GRIK4: variants seen among roughly 807,000 people sequenced by gnomAD.
GRIK4 encodes the protein glutamate ionotropic receptor kainate type subunit 4.
GRIK4 carries 40 observed loss-of-function variants against 104.9 expected under a neutral mutation model. The ratio of observed to expected loss-of-function variants is 0.38; its 90% confidence interval spans 0.30 to 0.50. GRIK4 has a LOEUF of 0.50. GRIK4 is among the 20% of genes least tolerant of loss of function. The pLI, the probability that GRIK4 is intolerant of heterozygous loss-of-function variation, is 0.93. For missense variants in GRIK4, 1,047 were observed against 1,308.1 expected (o/e 0.80, Z 3.08); for synonymous variants, 485 against 524.9 (o/e 0.92, Z 1.04).
chr11:120,776,148 T>C (rs1952037511), intron 3 of GRIK4, among the ~76,000 whole-genome samples: 1 of 152,358 alleles, frequency 6.6e-6, no homozygotes, highest in South Asian at 2.1e-4. Context: ...ATCTGCTCTC[T>C]GTTATTGTTG....
At chr11:120,980,639 C>T (rs997071012) in intron 19 of GRIK4, among the ~76,000 whole-genome samples, 1 of 152,172 alleles carries the variant, frequency 6.6e-6, no homozygotes, top group Non-Finnish European at 1.5e-5. Context: ...CACCTTCCCC[C>T]TGGAAGGTAG....
At chr11:120,687,971 G>A (rs1950300607) in intron 3 of GRIK4, among the ~76,000 whole-genome samples, 1 of 152,170 alleles carries the variant, frequency 6.6e-6, no homozygotes, top group African/African-American at 2.4e-5. Context: ...GACTTAAGGA[G>A]AAAATTGGGA....
Position 120,660,394 on chromosome 11 carries a change from A to C in GRIK4, c.76A>C (p.Arg26=). 4.3e-6 allele frequency: 7 copies of C among 1,611,790 alleles called. No homozygotes were observed. The highest frequency in any genetic ancestry group is 5.9e-6 in the Non-Finnish European group (7 of 1,179,302). ...VMVACSPHSL[R]IAAILDDPME... ...GGTCGCCTGCAGCCCGCACTCCTTG[A>C]GGATCGGTAAGTGTGGCCCAGCTTG... The change falls in exon 3 of 21, where the codon AGG becomes CGG. Residue 26 remains arginine (R), a synonymous_variant. Transcript: ENST00000527524.
At chr11:120,596,194 G>T (rs1948799741) in intron 1 of GRIK4, among the ~76,000 whole-genome samples, 1 of 152,200 alleles carries the variant, frequency 6.6e-6, no homozygotes, top group Non-Finnish European at 1.5e-5. Flanking sequence ...GCCTGTAGTA[G>T]GTGCTCAAAA....
chr11:120,673,461 C>T (rs1950053011), intron 3 of GRIK4, among the ~76,000 whole-genome samples: 1 of 152,210 alleles, frequency 6.6e-6, no homozygotes, highest in Non-Finnish European at 1.5e-5. Context: ...GCAGCCAAAC[C>T]CCAGGTCCTG....
intron 3 of GRIK4, among the ~76,000 whole-genome samples, chr11:120,715,417 C>T (rs537987284): frequency 3.3e-5 from 5 of 152,242 alleles, no homozygotes; most frequent in African/African-American, 4.8e-5. Context: ...CAAAGTAAAA[C>T]GAAACAAAAG....
At chr11:120,804,957 T>C (rs149545089) in intron 4 of GRIK4, among the ~76,000 whole-genome samples, 13 of 152,292 alleles carry the variant, frequency 8.5e-5, no homozygotes, top group African/African-American at 2.9e-4. Context: ...TAGGCACAGA[T>C]TCCTCCCCAA....
At chr11:120,786,640 A>T (rs919455153) in intron 3 of GRIK4, among the ~76,000 whole-genome samples, 3 of 151,964 alleles carry the variant, frequency 2.0e-5, no homozygotes, top group Non-Finnish European at 4.4e-5. Context: ...CTTCATTTCA[A>T]CTGGGTCCAA....
intron 13 of GRIK4, among the ~76,000 whole-genome samples, chr11:120,928,773 C>T (rs1163549561): frequency 6.6e-6 from 1 of 152,150 alleles, no homozygotes; most frequent in East Asian, 1.9e-4. Context: ...CATCCAGCCC[C>T]GAGAGTAAGC....
At position 120,899,099 on chromosome 11, in the gene GRIK4, G is replaced by T. The variant is rs1401828063; in HGVS notation, c.1272+460G>T. On this transcript the variant is annotated intron_variant, in intron 12 of 20. Coordinates refer to ENST00000527524, the MANE Select transcript of GRIK4 (RefSeq NM_014619.5). ...ACATGGTCTGTTTCTTCATTTCCAG[G>T]TGGTAAAAAGAGAGTTCTCAATCTA... Among the ~76,000 whole-genome samples the T allele has an allele frequency of 2.0e-5, 3 of 152,160 alleles. No homozygotes were observed. In the East Asian group the frequency reaches 5.8e-4, roughly 29 times the overall value.
intron 3 of GRIK4, among the ~76,000 whole-genome samples, chr11:120,733,153 G>A (rs1458278198): frequency 1.3e-5 from 2 of 152,012 alleles, no homozygotes; most frequent in Non-Finnish European, 2.9e-5. Context: ...TATATGTATA[G>A]CTACTTCTGC....
chr11:120,962,522 G>T lies in GRIK4; in HGVS notation c.2107G>T (p.Val703Leu), dbSNP rs183811839. 1.2e-6 allele frequency: 2 copies of T among 1,613,956 alleles called. No homozygotes were observed. The highest frequency in any genetic ancestry group is 1.7e-6 in the Non-Finnish European group (2 of 1,179,976). ...YMYSKQPSVF[V>L]KSTEEGIARV... The stretch of plus-strand genomic sequence containing the variant: ...GTATTCCAAGCAGCCCAGCGTGTTC[G>T]TGAAGAGCACAGAGGAGGGAATCGC... Residue 703 changes from valine (V) to leucine (L), a missense_variant, in exon 18 of 21, where the codon GTG (valine) becomes TTG (leucine). Physicochemically the swap from Val to Leu is conservative, Grantham distance 32 (BLOSUM62 1). Transcript: ENST00000527524.
At chr11:120,743,205 G>C (rs940450653) in intron 3 of GRIK4, among the ~76,000 whole-genome samples, 1 of 151,266 alleles carries the variant, frequency 6.6e-6, no homozygotes, top group Non-Finnish European at 1.5e-5. Context: ...ACTCCAGCCT[G>C]GGTGACAGAG....
At position 120,940,528 on chromosome 11, in the gene GRIK4, G is replaced by A. The variant is rs1943699449; in HGVS notation, c.1590+68G>A. ...TTGCATGCAAACACTGAGTTATACG[G>A]GAATAATGAATGACTCATGGAAATA... On this transcript the variant is annotated intron_variant, in intron 14 of 20. Coordinates refer to ENST00000527524, the MANE Select transcript of GRIK4 (RefSeq NM_014619.5). This position sits in a 1 kb window ranked among gnomAD's most constrained non-coding sequence, Gnocchi z 4.3. 4.7e-6 allele frequency: 4 copies of A among 850,858 alleles called. No individual in the cohort carries two copies. The highest frequency in any genetic ancestry group is 2.1e-5 in the Admixed American group (1 of 47,362). 52.7% of individuals were successfully genotyped at this position (850,858 alleles called of 1,614,324 possible).
chr11:120,967,326 A>G lies in GRIK4; in HGVS notation c.2395+3A>G. The G allele has an allele frequency of 1.2e-6, 2 of 1,610,400 alleles. No individual in the cohort carries two copies. The highest frequency in any genetic ancestry group is 1.7e-6 in the Non-Finnish European group (2 of 1,178,172). ...GGAGGAAGATCACAGAGCTAAAGGT[A>G]AGGACGTTCAGGGCCATCCTCCTCC... On this transcript the variant is annotated splice_donor_region_variant and intron_variant, in intron 19 of 20. Coordinates refer to ENST00000527524, the MANE Select transcript of GRIK4 (RefSeq NM_014619.5). The surrounding 1 kb of genome is among the most constrained non-coding windows in gnomAD (Gnocchi z 4.2).
At chr11:120,729,030 C>T (rs2135388275) in intron 3 of GRIK4, among the ~76,000 whole-genome samples, 1 of 152,262 alleles carries the variant, frequency 6.6e-6, no homozygotes, top group South Asian at 2.1e-4. Context: ...TCTTTCTGTG[C>T]CTGGTTTATT....
chr11:120,919,060 ATCAAAGCCCACGG>A (rs1343772055), intron 13 of GRIK4, among the ~76,000 whole-genome samples: 9 of 152,244 alleles, frequency 5.9e-5, no homozygotes, highest in Admixed American at 6.5e-5. Flanking sequence ...CCTGTCTGAC[ATCAAAGCCCACGG>A]TCATTCTAAC....
At chr11:120,783,189 A>G (rs1952195228) in intron 3 of GRIK4, among the ~76,000 whole-genome samples, 2 of 152,212 alleles carry the variant, frequency 1.3e-5, no homozygotes, top group African/African-American at 4.8e-5. Context: ...AAGTCGGCAG[A>G]ATAGGATTGT....
At chr11:120,861,054 G>A (rs566861575) in intron 8 of GRIK4, among the ~76,000 whole-genome samples, 1 of 149,242 alleles carries the variant, frequency 6.7e-6, no homozygotes, top group South Asian at 2.1e-4. Context: ...CCCCAGATTC[G>A]GATTCAGGTA....
Sources: gnomAD v4.1 joint callset for allele counts (sites outside exome capture counted in the v4.1 genomes callset) on GRCh38, gnomAD v4.1.1 for gene constraint, Gnocchi (gnomAD v3.1) non-coding constraint, MANE v1.5 for transcripts, NCBI Gene and HGNC (gene_info 2026-07-23, HGNC 2026-07-21) for gene names.